The following RBBP8 variants were observed in gnomAD, a reference collection of about 807,000 sequenced individuals.
RBBP8 encodes RB binding protein 8, endonuclease.
A neutral mutation model predicts 108.3 loss-of-function variants in RBBP8; 88 were observed. The observed-to-expected ratio is 0.81, with a 90% CI of 0.68 to 0.97. The LOEUF (loss-of-function observed/expected upper bound fraction) is 0.97. RBBP8 is among the 50% of genes least tolerant of loss of function. RBBP8 has a pLI of 0.00. For missense variants in RBBP8, 1,023 were observed against 1,049.0 expected (o/e 0.98, Z 0.34); for synonymous variants, 332 against 348.2 (o/e 0.95, Z 0.52).
At chr18:23,021,226 A>G (rs993842999) in intron 17 of RBBP8, among the ~76,000 whole-genome samples, 1 of 152,160 alleles carries the variant, frequency 6.6e-6, no homozygotes, top group African/African-American at 2.4e-5. Flanking sequence ...CCTGGCCAAC[A>G]TATAGTAAAA....
At chr18:22,975,251 T>C (rs1160309370) in intron 6 of RBBP8, 32 bp downstream of exon 6, 2 of 1,610,132 alleles carry the variant, frequency 1.2e-6, no homozygotes, top group Admixed American at 1.7e-5. Flanking sequence ...TGTTATTTTA[T>C]TTTATTTAGC....
At chr18:23,001,345 A>G (rs2045943743) in intron 14 of RBBP8, among the ~76,000 whole-genome samples, 2 of 152,248 alleles carry the variant, frequency 1.3e-5, no homozygotes, top group Admixed American at 6.5e-5. Flanking sequence ...GTTTGTGGGT[A>G]CATAAGAAGG....
At position 22,938,770 on chromosome 18, in the gene RBBP8, C is replaced by G. The variant is rs185696256; in HGVS notation, c.109+1810C>G. The stretch of plus-strand genomic sequence containing the variant: ...TTTGCAGGATATAGACATAAAAATA[C>G]TACATAAAGTCATTTGACAAACCCG... On this transcript the variant is annotated intron_variant, in intron 2 of 18. Coordinates refer to ENST00000327155, the MANE Select transcript of RBBP8 (RefSeq NM_002894.3). Among the ~76,000 whole-genome samples the G allele has an allele frequency of 2.2e-3, 336 of 152,258 alleles. 1 individual carries two copies. The highest frequency in any genetic ancestry group is 3.6e-3 in the Non-Finnish European group (243 of 68,008).
chr18:23,013,383 G>T (rs777926915), intron 16 of RBBP8, among the ~76,000 whole-genome samples: 1 of 151,900 alleles, frequency 6.6e-6, no homozygotes, highest in African/African-American at 2.4e-5. Flanking sequence ...GTCGGTTTTT[G>T]GGTGGGATCA....
chr18:22,959,441 G>A (rs1372331359), intron 4 of RBBP8, among the ~76,000 whole-genome samples: 2 of 151,828 alleles, frequency 1.3e-5, no homozygotes, highest in East Asian at 1.9e-4. Context: ...TTCCTTCATT[G>A]CACTGGACAC....
At chr18:22,998,168 A>AT (rs1450018711) in intron 14 of RBBP8, among the ~76,000 whole-genome samples, 1 of 151,974 alleles carries the variant, frequency 6.6e-6, no homozygotes, top group African/African-American at 2.4e-5. Flanking sequence ...GGTGTAGACA[A>AT]TTTTTTATAA....
At chr18:22,957,390 G>A (rs934075092) in intron 4 of RBBP8, among the ~76,000 whole-genome samples, 1 of 145,408 alleles carries the variant, frequency 6.9e-6, no homozygotes, top group Non-Finnish European at 1.5e-5. Flanking sequence ...ACAGCACTGA[G>A]CACATTGTAA....
intron 16 of RBBP8, 130 bp downstream of exon 16, chr18:23,006,562 C>A: frequency 2.5e-6 from 2 of 789,640 alleles, no homozygotes; most frequent in Non-Finnish European, 4.2e-6. Context: ...AGTGCAATGG[C>A]GTAAACTCAG....
chr18:23,017,871 C>T (rs1033624911), intron 17 of RBBP8, among the ~76,000 whole-genome samples: 2 of 150,782 alleles, frequency 1.3e-5, no homozygotes, highest in Admixed American at 6.6e-5. Context: ...CTCAGCTTCC[C>T]GGGTAGCTGG....
intron 6 of RBBP8, among the ~76,000 whole-genome samples, chr18:22,979,161 C>T (rs1452117239): frequency 2.0e-5 from 3 of 152,002 alleles, no homozygotes; most frequent in Non-Finnish European, 4.4e-5. Flanking sequence ...CCCAGCTACT[C>T]GGGAGGCTGA....
chr18:22,929,523 G>GGTGTGT (rs71161348), upstream of RBBP8: 3,868 of 118,556 alleles, frequency 0.033, 292 homozygotes, highest in African/African-American at 0.084. Flanking sequence ...GAGACAGGCG[G>GGTGTGT]GTGTGTGTGT....
rs569114954 is a variant in RBBP8, at chr18:22,951,613, A to G, written c.248+1900A>G. Among the ~76,000 whole-genome samples the G allele has an allele frequency of 4.6e-5, 7 of 152,210 alleles. No homozygotes were observed. In the South Asian group the frequency reaches 1.0e-3, roughly 23 times the overall value. ...GGTATCCTCTTAATTCAATTCCTACACTGGATATGGCATCAGGTCCCACAG... is the reference window on the plus strand; with the variant it reads ...GGTATCCTCTTAATTCAATTCCTACGCTGGATATGGCATCAGGTCCCACAG... On this transcript the variant is annotated intron_variant, in intron 4 of 18. Transcript: ENST00000327155.
upstream of RBBP8, among the ~76,000 whole-genome samples, chr18:22,931,876 T>C (rs559641784): frequency 1.2e-4 from 18 of 152,264 alleles, no homozygotes; most frequent in Middle Eastern, 3.4e-3. Flanking sequence ...ATATGGAGAA[T>C]AGAAGTTCAA....
chr18:22,942,879 C>T (rs1438818827), intron 2 of RBBP8, among the ~76,000 whole-genome samples: 1 of 151,878 alleles, frequency 6.6e-6, no homozygotes. Context: ...TTGCCTATGC[C>T]AGCGTCTGCT....
chr18:22,915,545 A>G (rs565951002), intron 2 of RBBP8: 42 of 152,298 alleles, frequency 2.8e-4, no homozygotes, highest in African/African-American at 1.0e-3. Context: ...TGATTCAGCA[A>G]GCCAATATTA....
intron 6 of RBBP8, among the ~76,000 whole-genome samples, chr18:22,978,547 C>T (rs1914658194): frequency 6.6e-6 from 1 of 150,830 alleles, no homozygotes; most frequent in Admixed American, 6.6e-5. Context: ...CCAGCTTCTT[C>T]CACATTGACT....
rs181114052 is a variant in RBBP8 at position 22,925,913 on chromosome 18, A to C, written c.-153-3470A>C. On this transcript the variant is annotated intron_variant, in intron 3 of 4. Coordinates refer to the RBBP8 transcript ENST00000577588. ...AATAAAATAAACTTTTTTACTCTAC[A>C]GTCTTAGTGATCACTCTTAAATTAT... 1.2e-4 allele frequency among the ~76,000 whole-genome samples: 19 copies of C among 152,270 alleles called. No individual in the cohort carries two copies. In the East Asian group the frequency reaches 3.1e-3, roughly 25 times the overall value.
intron 18 of RBBP8, 68 bp from the exon 19 acceptor site, chr18:23,026,075 A>G (rs2046445982): frequency 8.3e-7 from 1 of 1,204,458 alleles, no homozygotes; most frequent in Admixed American, 1.8e-5. Context: ...AGAAATGTTT[A>G]CTAGATATAA....
At chr18:22,983,540 A>T (rs1428563990) in intron 7 of RBBP8, among the ~76,000 whole-genome samples, 1 of 152,256 alleles carries the variant, frequency 6.6e-6, no homozygotes, top group Admixed American at 6.5e-5. Flanking sequence ...CATTAAAGAT[A>T]ATCACTGCAT....
Sources: gnomAD v4.1 joint callset for allele counts (sites outside exome capture counted in the v4.1 genomes callset) on GRCh38, gnomAD v4.1.1 for gene constraint, MANE v1.5 for transcripts, NCBI Gene and HGNC (gene_info 2026-07-23, HGNC 2026-07-21) for gene names.